The following CNTN5 variants were observed in gnomAD, a reference collection of about 807,000 sequenced individuals.
CNTN5 encodes the protein contactin 5, also known as contactin-5.
A neutral mutation model predicts 129.1 loss-of-function variants in CNTN5; 77 were observed. That is an observed-to-expected ratio of 0.60 (90% CI 0.50 to 0.72). CNTN5 has a LOEUF of 0.72. Among genes scored for constraint, CNTN5 ranks in the 30% least tolerant of loss-of-function variants. The probability of loss-of-function intolerance (pLI) is 0.00; values close to 1 mark genes in which losing one functional copy is unlikely to be tolerated. For missense variants in CNTN5, 1,478 were observed against 1,328.8 expected, an observed-to-expected ratio of 1.11 and a Z score of -1.75; for synonymous variants, 509 against 465.6, an observed-to-expected ratio of 1.09 and a Z score of -1.20.
chr11:100,170,557 C>G (rs1025996148), intron 13 of CNTN5, among the ~76,000 whole-genome samples: 2 of 151,940 alleles, frequency 1.3e-5, no homozygotes, highest in African/African-American at 4.8e-5. Context: ...ACAGTTATCC[C>G]CTACCACAGA....
At chr11:99,791,353 T>C (rs1945735514) in intron 3 of CNTN5, among the ~76,000 whole-genome samples, 1 of 152,178 alleles carries the variant, frequency 6.6e-6, no homozygotes, top group African/African-American at 2.4e-5. Flanking sequence ...GTTTTGACCT[T>C]CTGCATATGG....
At chr11:99,283,217 A>C (rs1863777015) in intron 1 of CNTN5, among the ~76,000 whole-genome samples, 1 of 152,142 alleles carries the variant, frequency 6.6e-6, no homozygotes, top group Non-Finnish European at 1.5e-5. Context: ...TCTTTAAAGT[A>C]TTTACAAATG....
At chr11:99,417,636 G>C (rs1020660590) in intron 2 of CNTN5, among the ~76,000 whole-genome samples, 5 of 152,016 alleles carry the variant, frequency 3.3e-5, no homozygotes, top group African/African-American at 9.6e-5. Flanking sequence ...AAAATAAAAG[G>C]CTGAGTTGAA....
At chr11:100,327,831 T>G (rs149368045) in intron 21 of CNTN5, among the ~76,000 whole-genome samples, 3 of 152,038 alleles carry the variant, frequency 2.0e-5, no homozygotes, top group African/African-American at 7.2e-5. Flanking sequence ...AACTGATTAA[T>G]AGAAAGACAA....
intron 20 of CNTN5, among the ~76,000 whole-genome samples, chr11:100,306,348 A>C (rs2138915073): frequency 6.6e-6 from 1 of 151,804 alleles, no homozygotes; most frequent in South Asian, 2.1e-4. Flanking sequence ...ATAGAGAAAT[A>C]ATTCCTTTCT....
chr11:99,824,747 A>C (rs181126631), intron 4 of CNTN5, among the ~76,000 whole-genome samples: 2 of 152,124 alleles, frequency 1.3e-5, no homozygotes, highest in East Asian at 3.9e-4. Flanking sequence ...TTTTGTATGT[A>C]ATATGAAGTA....
intron 3 of CNTN5, among the ~76,000 whole-genome samples, chr11:99,797,339 C>T (rs921619596): frequency 7.2e-5 from 11 of 152,146 alleles, no homozygotes; most frequent in Non-Finnish European, 1.5e-4. Context: ...CTGTTTTTCA[C>T]GTTGGCTGAG....
chr11:100,233,683 C>T (rs907427952), intron 16 of CNTN5, among the ~76,000 whole-genome samples: 1 of 152,088 alleles, frequency 6.6e-6, no homozygotes, highest in African/African-American at 2.4e-5. Context: ...CTACTGACTA[C>T]TTCCTCAGAA....
At chr11:100,287,839 C>G in intron 18 of CNTN5, among the ~76,000 whole-genome samples, 1 of 152,148 alleles carries the variant, frequency 6.6e-6, no homozygotes, top group Non-Finnish European at 1.5e-5. Context: ...CAAGACCCAT[C>G]AGTGTGCTAT....
rs1491116506 is a variant in CNTN5 at position 99,073,373 on chromosome 11, G to GTTT, written c.-210+52103_-210+52104insTTT. On this transcript the variant is annotated intron_variant, in intron 1 of 24. Coordinates refer to ENST00000524871, the MANE Select transcript of CNTN5 (RefSeq NM_014361.4). ...TGACTGGTATGTCTCTTTATGGTTT[G>GTTT]GTTTTTTTTTTTTTTTTTTTTTTTT... Among the ~76,000 whole-genome samples, 290 of 87,148 alleles carry GTTT rather than the reference G, an allele frequency of 3.3e-3. 1 individual carries two copies. Among genetic ancestry groups the GTTT allele is most frequent in the East Asian group, 8.9e-3 (29 of 3,260 alleles). 57.2% of individuals were successfully genotyped at this position (87,148 alleles called of 152,430 possible). A position where few individuals can be genotyped will look rare whatever the true frequency, so the allele number is the denominator to read the frequency against.
At chr11:99,806,324 C>G (rs1049715779) in intron 3 of CNTN5, among the ~76,000 whole-genome samples, 1 of 152,020 alleles carries the variant, frequency 6.6e-6, no homozygotes, top group Admixed American at 6.6e-5. Context: ...TTGTCCTTAT[C>G]CCCTAAAAAA....
chr11:99,775,362 A>C (rs990152724), intron 3 of CNTN5, among the ~76,000 whole-genome samples: 160 of 152,002 alleles, frequency 1.1e-3, no homozygotes, highest in African/African-American at 3.6e-3. Flanking sequence ...CTGGGGATAA[A>C]TGGTTGGACT....
rs538541170 is a variant in CNTN5, at chr11:99,712,869, T to G, written c.56-106675T>G. Among the ~76,000 whole-genome samples, 200 of 152,248 alleles carry G rather than the reference T, an allele frequency of 1.3e-3. 1 individual carries two copies. Among genetic ancestry groups the G allele is most frequent in the African/African-American group, 4.4e-3 (183 of 41,556 alleles). On this transcript the variant is annotated intron_variant, in intron 3 of 24. Transcript: ENST00000524871. Reference sequence around the variant, plus strand: ...GTTGTGGTACTAGTACCGTGCTGTTTTGGTTACTGTAGCCTTGTAGTATAG... The same window carrying G: ...GTTGTGGTACTAGTACCGTGCTGTTGTGGTTACTGTAGCCTTGTAGTATAG...
intron 1 of CNTN5, among the ~76,000 whole-genome samples, chr11:99,231,596 G>A (rs1861002048): frequency 6.6e-6 from 1 of 151,980 alleles, no homozygotes; most frequent in South Asian, 2.1e-4. Flanking sequence ...CCATTCTGTA[G>A]GTTGTCTGTT....
intron 16 of CNTN5, among the ~76,000 whole-genome samples, chr11:100,232,891 C>A (rs1010280000): frequency 6.6e-6 from 1 of 152,098 alleles, no homozygotes; most frequent in African/African-American, 2.4e-5. Context: ...ATATGTCGGG[C>A]ACTGCACTAA....
chr11:100,258,480 T>C (rs1038782966), intron 17 of CNTN5, among the ~76,000 whole-genome samples: 1 of 152,016 alleles, frequency 6.6e-6, no homozygotes, highest in Non-Finnish European at 1.5e-5. Flanking sequence ...CCAAGACACA[T>C]AATCATCAGA....
intron 1 of CNTN5, among the ~76,000 whole-genome samples, chr11:99,102,079 G>T (rs974318407): frequency 6.6e-6 from 1 of 152,176 alleles, no homozygotes; most frequent in Non-Finnish European, 1.5e-5. Flanking sequence ...TGTGGAAGCT[G>T]CCAAGGCTTG....
At chr11:99,632,207 A>G (rs1365940553) in intron 3 of CNTN5, among the ~76,000 whole-genome samples, 3 of 152,188 alleles carry the variant, frequency 2.0e-5, no homozygotes, top group Non-Finnish European at 2.9e-5. Context: ...AAATGTAATA[A>G]TGTACAAATA....
At chr11:100,311,575 G>C (rs1423734670) in intron 21 of CNTN5, among the ~76,000 whole-genome samples, 2 of 151,948 alleles carry the variant, frequency 1.3e-5, no homozygotes, top group African/African-American at 4.8e-5. Flanking sequence ...ATTGAGCTCT[G>C]GGGTGGCCCA....
Sources: allele counts gnomAD v4.1 joint callset (sites outside exome capture counted in the v4.1 genomes callset), GRCh38; gene constraint gnomAD v4.1.1; transcripts MANE v1.5; gene names NCBI Gene and HGNC (gene_info 2026-07-23, HGNC 2026-07-21).